Variants in GNAI3 observed in about 807,000 individuals in gnomAD.
GNAI3 encodes guanine nucleotide-binding protein G(i) subunit alpha-3.
Under a neutral mutation model 41.8 loss-of-function variants are expected in GNAI3, and 12 were observed. That is an observed-to-expected ratio of 0.29 (90% CI 0.18 to 0.47). The LOEUF is 0.47. GNAI3 is among the 20% of genes least tolerant of loss of function. GNAI3 has a pLI of 1.00. For synonymous variants in GNAI3, 132 were observed against 146.5 expected, an observed-to-expected ratio of 0.90 and a Z score of 0.71; for missense variants, 360 against 429.6, an observed-to-expected ratio of 0.84 and a Z score of 1.43.
intron 4 of GNAI3, among the ~76,000 whole-genome samples, chr1:109,579,976 A>G (rs776648100): frequency 1.3e-5 from 2 of 152,186 alleles, no homozygotes; most frequent in African/African-American, 2.4e-5. Context: ...TTTTACATAT[A>G]CTTATTTATG....
intron 1 of GNAI3, among the ~76,000 whole-genome samples, chr1:109,572,673 ATGTG>A (rs1284508454): frequency 2.0e-5 from 3 of 152,094 alleles, no homozygotes; most frequent in Non-Finnish European, 4.4e-5. Flanking sequence ...CTAGAAGAAA[ATGTG>A]TGGGGTCAAG....
intron 1 of GNAI3, among the ~76,000 whole-genome samples, chr1:109,553,127 C>G (rs781259443): frequency 1.5e-4 from 23 of 152,060 alleles, no homozygotes; most frequent in Non-Finnish European, 2.8e-4. Flanking sequence ...AGAGGTTTTT[C>G]AGACAGCTGT....
At chr1:109,578,086 G>A (rs1648796178) in intron 3 of GNAI3, among the ~76,000 whole-genome samples, 1 of 152,124 alleles carries the variant, frequency 6.6e-6, no homozygotes, top group Non-Finnish European at 1.5e-5. Flanking sequence ...AGTAGGGATG[G>A]ATAGAATAAA....
At chr1:109,563,823 A>G (rs1648377629) in intron 1 of GNAI3, among the ~76,000 whole-genome samples, 1 of 152,046 alleles carries the variant, frequency 6.6e-6, no homozygotes, top group South Asian at 2.1e-4. Flanking sequence ...ATGAAACAGT[A>G]ACTGATATTG....
chr1:109,587,294 TA>T (rs1207328944), intron 7 of GNAI3, among the ~76,000 whole-genome samples: 1 of 152,068 alleles, frequency 6.6e-6, no homozygotes, highest in Non-Finnish European at 1.5e-5. Flanking sequence ...TTGAAGAAAA[TA>T]CAAGGGTAAA....
intron 1 of GNAI3, among the ~76,000 whole-genome samples, chr1:109,558,299 T>C (rs563879889): frequency 9.2e-4 from 140 of 152,192 alleles, no homozygotes; most frequent in African/African-American, 3.2e-3. Context: ...GGTGCACACC[T>C]GTAATCCCAG....
Position 109,576,456 on chromosome 1 carries a change from C to CT in GNAI3, c.303+2421dup, listed in dbSNP as rs536593597. ...GGAATAGGTTCCTTTTTCACATCTGCTTAAGTGTGGAGGTGTGAAGTTTAT... is the reference window on the plus strand; with the variant it reads ...GGAATAGGTTCCTTTTTCACATCTGCTTTAAGTGTGGAGGTGTGAAGTTTAT... On this transcript the variant is annotated intron_variant, in intron 3 of 8. Coordinates refer to ENST00000369851, the MANE Select transcript of GNAI3 (RefSeq NM_006496.4). Among the ~76,000 whole-genome samples the CT allele has an allele frequency of 5.7e-3, 855 of 150,840 alleles. 7 individuals are homozygous for CT. The highest frequency in any genetic ancestry group is 0.02 in the African/African-American group (834 of 41,124).
At chr1:109,566,518 T>C (rs760207788) in intron 1 of GNAI3, among the ~76,000 whole-genome samples, 2 of 152,188 alleles carry the variant, frequency 1.3e-5, no homozygotes, top group Non-Finnish European at 2.9e-5. Flanking sequence ...AACTGGTTTT[T>C]TAATTAAGTA....
intron 1 of GNAI3, among the ~76,000 whole-genome samples, chr1:109,562,622 T>C (rs1648342478): frequency 1.3e-5 from 2 of 152,202 alleles, no homozygotes; most frequent in Admixed American, 6.5e-5. Context: ...GCATTTATTA[T>C]AGTAAAGGAA....
intron 1 of GNAI3, among the ~76,000 whole-genome samples, chr1:109,563,302 G>A (rs1246153034): frequency 6.6e-6 from 1 of 152,168 alleles, no homozygotes; most frequent in Non-Finnish European, 1.5e-5. Context: ...GATCGCTTGA[G>A]CCCTGGGGCG....
chr1:109,566,610 G>A (rs902515741), intron 1 of GNAI3, among the ~76,000 whole-genome samples: 10 of 152,080 alleles, frequency 6.6e-5, no homozygotes, highest in Non-Finnish European at 2.9e-5. Flanking sequence ...TGCCCAGGCC[G>A]GAGTGCAATG....
At chr1:109,591,812 C>A (rs780475001) in intron 7 of GNAI3, among the ~76,000 whole-genome samples, 5 of 152,082 alleles carry the variant, frequency 3.3e-5, no homozygotes, top group Non-Finnish European at 5.9e-5. Flanking sequence ...AGAAATTTAA[C>A]GTTATGTTTT....
chr1:109,578,470 C>CAAAA (rs35519193), intron 3 of GNAI3, among the ~76,000 whole-genome samples: 212 of 83,556 alleles, frequency 2.5e-3, no homozygotes, highest in Non-Finnish European at 2.9e-3. Flanking sequence ...AACTCCGTCT[C>CAAAA]AAAAAAAAAA....
chr1:109,557,794 C>G (rs1318552665), intron 1 of GNAI3, among the ~76,000 whole-genome samples: 1 of 152,118 alleles, frequency 6.6e-6, no homozygotes, highest in African/African-American at 2.4e-5. Context: ...ATTGGCCCAG[C>G]CTTGTCATCT....
intron 1 of GNAI3, among the ~76,000 whole-genome samples, chr1:109,558,068 A>G (rs1027611198): frequency 6.6e-6 from 1 of 152,160 alleles, no homozygotes; most frequent in African/African-American, 2.4e-5. Flanking sequence ...GTTCATGAGA[A>G]CGTGCCTGCT....
At chr1:109,586,430 T>C in intron 6 of GNAI3, 85 bp downstream of exon 6, 2 of 1,346,318 alleles carry the variant, frequency 1.5e-6, no homozygotes, top group Non-Finnish European at 2.1e-6. Context: ...CTGCATCCAT[T>C]TCCTCATTCA....
rs189631041 is a variant in GNAI3 at position 109,586,211 on chromosome 1, C to T, written c.591-5C>T. 134 of 1,612,044 alleles carry T rather than the reference C, an allele frequency of 8.3e-5. No individual in the cohort carries two copies. The African/African-American group carries it at 1.0e-3, about 12-fold the overall frequency. ...GCTGAATTTGCTTTCTTTCCCCTTGCGCAGGATGTTTGATGTAGGTGGCCA... is the reference window on the plus strand; with the variant it reads ...GCTGAATTTGCTTTCTTTCCCCTTGTGCAGGATGTTTGATGTAGGTGGCCA... On this transcript the variant is annotated splice_polypyrimidine_tract_variant and splice_region_variant and intron_variant, in intron 5 of 8. Transcript: ENST00000369851.
At chr1:109,558,211 TCAGGAGTTCCAGACCAGCCTGGCCAA>T in intron 1 of GNAI3, among the ~76,000 whole-genome samples, 1 of 151,962 alleles carries the variant, frequency 6.6e-6, no homozygotes, top group East Asian at 1.9e-4. Context: ...TCACCTGAGG[TCAGGAGTTCCAGACCAGCCTGGCCAA>T]CATGGTGAAG....
intron 4 of GNAI3, among the ~76,000 whole-genome samples, chr1:109,581,048 C>T (rs1195940933): frequency 6.6e-6 from 1 of 152,090 alleles, no homozygotes; most frequent in Non-Finnish European, 1.5e-5. Context: ...AATCCTCTAA[C>T]TACATGTGCT....
Sources: allele counts gnomAD v4.1 joint callset (sites outside exome capture counted in the v4.1 genomes callset), GRCh38; gene constraint gnomAD v4.1.1; transcripts MANE v1.5; gene names NCBI Gene and HGNC (gene_info 2026-07-23, HGNC 2026-07-21).